Variants in TMC7 observed in about 807,000 individuals in gnomAD.
The protein encoded by TMC7 is transmembrane channel-like protein 7.
Under a neutral mutation model 82.9 loss-of-function variants are expected in TMC7, and 54 were observed. The ratio of observed to expected loss-of-function variants is 0.65; its 90% CI spans 0.52 to 0.82. TMC7 has a LOEUF of 0.82. Among genes scored for constraint, TMC7 ranks in the 40% least tolerant of loss-of-function variants. TMC7 has a pLI of 0.00. For missense variants in TMC7, 820 were observed against 901.2 expected (o/e 0.91, Z 1.15); for synonymous variants, 350 against 337.9 (o/e 1.04, Z -0.39).
chr16:19,010,078 T>C (rs1390451689), intron 2 of TMC7, among the ~76,000 whole-genome samples: 1 of 145,398 alleles, frequency 6.9e-6, no homozygotes, highest in African/African-American at 2.5e-5. Context: ...TCCTTTCCTT[T>C]CCTTTCCTTT....
Position 19,035,834 on chromosome 16 carries a change from C to A in TMC7, c.1005+11C>A, listed in dbSNP as rs371048839. The A allele has an allele frequency of 1.4e-5, 22 of 1,560,374 alleles. No individual in the cohort carries two copies. The highest frequency in any genetic ancestry group is 1.8e-5 in the Non-Finnish European group (21 of 1,154,220). On this transcript the variant is annotated intron_variant, in intron 7 of 15. Transcript: ENST00000304381. Reference sequence around the variant, plus strand: ...CGGTACGAGCTCCGAGTGAGTGCTCCTGAGTTTGTCCGTGGTGGGGTCCTC... The same window carrying A: ...CGGTACGAGCTCCGAGTGAGTGCTCATGAGTTTGTCCGTGGTGGGGTCCTC...
At chr16:19,059,777 G>A in intron 15 of TMC7, 2 of 1,100,858 alleles carry the variant, frequency 1.8e-6, no homozygotes, top group East Asian at 2.6e-5. Context: ...AGGAGTTCAA[G>A]ACCAGCCTGG....
chr16:19,020,983 A>C (rs1240929034), intron 3 of TMC7, among the ~76,000 whole-genome samples: 1 of 152,102 alleles, frequency 6.6e-6, no homozygotes, highest in Non-Finnish European at 1.5e-5. Context: ...ACTAAGGAAG[A>C]CCTAAATATA....
intron 5 of TMC7, among the ~76,000 whole-genome samples, chr16:19,025,913 G>T (rs560707903): frequency 6.6e-6 from 1 of 151,898 alleles, no homozygotes; most frequent in Non-Finnish European, 1.5e-5. Context: ...ATACCCCCAT[G>T]CCCAGCTAAT....
chr16:19,049,944 T>C (rs754288844), intron 12 of TMC7, among the ~76,000 whole-genome samples: 1 of 152,192 alleles, frequency 6.6e-6, no homozygotes, highest in Non-Finnish European at 1.5e-5. Flanking sequence ...TCAATGGAAA[T>C]ACTTATTTTT....
chr16:19,051,862 T>G (rs1422729726), intron 13 of TMC7, 46 bp downstream of exon 13: 25 of 1,605,334 alleles, frequency 1.6e-5, no homozygotes, highest in Non-Finnish European at 2.0e-5. Context: ...CTTCTTGACC[T>G]CTTCCTCTTT....
In TMC7 at chr16:19,031,210, C is replaced by T. The variant is rs928385365; in HGVS notation, c.857+841C>T. ...GCCTTGACCTCCTGGGTCACAGGTGCAGAAATCCTTAGAAAAGACTTGTTG... is the reference window on the plus strand; with the variant it reads ...GCCTTGACCTCCTGGGTCACAGGTGTAGAAATCCTTAGAAAAGACTTGTTG... On this transcript the variant is annotated intron_variant, in intron 6 of 15. Coordinates refer to ENST00000304381, the MANE Select transcript of TMC7 (RefSeq NM_024847.4). Among the ~76,000 whole-genome samples the T allele has an allele frequency of 2.0e-5, 3 of 152,144 alleles. No homozygotes were observed. In the South Asian group the frequency reaches 6.2e-4, roughly 32 times the overall value.
At position 18,984,018 on chromosome 16, in the gene TMC7, G is replaced by A. The variant is rs1456039425; in HGVS notation, c.-46G>A. 2 of 1,393,050 alleles carry A rather than the reference G, an allele frequency of 1.4e-6. No homozygotes were observed. Among genetic ancestry groups the A allele is most frequent in the Admixed American group, 6.9e-5 (2 of 29,088 alleles). The allele number at this position is 1,393,050 out of a possible 1,614,324, so 86.3% of individuals were successfully genotyped here. ...CGGGGAGGCGGCGGCGGCGGCGGCG[G>A]CTGGAGAGGGTCCTCGGCAGCCTCT... On this transcript the variant is annotated 5_prime_UTR_variant, in exon 1 of 16. Coordinates refer to ENST00000304381, the MANE Select transcript of TMC7 (RefSeq NM_024847.4).
rs1199253383 is a variant in TMC7, at chr16:18,984,120, G to C, written c.57G>C (p.Ala19=). Residue 19 remains alanine, a synonymous_variant, in exon 1 of 16, where the codon GCG becomes GCC. Coordinates refer to ENST00000304381, the MANE Select transcript of TMC7 (RefSeq NM_024847.4). ...LQPGRPSRQP[A]VHPENLSLDS... is the part of the protein sequence containing the mutation. ...CCGGCAGGCCCAGCCGGCAGCCGGC[G>C]GTCCATCCAGGTAGGGCGGCAGGGA... 6.7e-7 allele frequency: 1 copy of C among 1,502,372 alleles called. No individual in the cohort carries two copies. The highest frequency in any genetic ancestry group is 8.8e-7 in the Non-Finnish European group (1 of 1,133,588). 93.1% of individuals were successfully genotyped at this position (1,502,372 alleles called of 1,614,324 possible). A position where few individuals can be genotyped will look rare whatever the true frequency, so the allele number is the denominator to read the frequency against.
chr16:19,025,977 T>C (rs1393787194), intron 5 of TMC7, among the ~76,000 whole-genome samples: 3 of 151,950 alleles, frequency 2.0e-5, no homozygotes, highest in Admixed American at 6.6e-5. Flanking sequence ...AGTTTTGCCA[T>C]GTTGCCTAGG....
chr16:19,046,222 C>T (rs1306854108), intron 11 of TMC7, among the ~76,000 whole-genome samples: 1 of 152,162 alleles, frequency 6.6e-6, no homozygotes, highest in African/African-American at 2.4e-5. Flanking sequence ...TGGGTTCAAA[C>T]TCCCTCCCTG....
At chr16:19,050,792 C>A (rs528479210) in intron 12 of TMC7, among the ~76,000 whole-genome samples, 2 of 152,134 alleles carry the variant, frequency 1.3e-5, no homozygotes, top group Non-Finnish European at 2.9e-5. Context: ...TGAGCCACCA[C>A]GCCCGGCCTC....
chr16:18,998,483 G>C (rs182873299), intron 1 of TMC7, among the ~76,000 whole-genome samples: 2 of 152,178 alleles, frequency 1.3e-5, no homozygotes, highest in Non-Finnish European at 2.9e-5. Context: ...GGCTGGACGC[G>C]GTGGCTCACG....
Position 19,009,412 on chromosome 16 carries a change from T to C in TMC7, c.308T>C (p.Leu103Pro). The change falls in exon 2 of 16, where the codon CTA becomes CCA. Residue 103 changes from leucine (L) to proline (P), a missense_variant. Coordinates refer to ENST00000304381, the MANE Select transcript of TMC7 (RefSeq NM_024847.4). ...CTGAACATCTCTGAGAAGCGGAGAC[T>C]AAGGTTTGTTCACTAGCCACCTGGA... is the stretch of plus-strand genomic sequence containing the variant. ...YALNISEKRR[L>P]RDIQETQMKY... The C allele has an allele frequency of 6.2e-7, 1 of 1,611,680 alleles. No homozygotes were observed. Among genetic ancestry groups the C allele is most frequent in the South Asian group, 1.1e-5 (1 of 90,944 alleles).
In TMC7 at chr16:18,998,389, C is replaced by A. The variant is rs922210214; in HGVS notation, c.68-10783C>A. ...CTGTGCTCTTAACTGCCAGGCCTTGCCACCTTCTCGGACAGACAGAATTGC... is the reference window on the plus strand; with the variant it reads ...CTGTGCTCTTAACTGCCAGGCCTTGACACCTTCTCGGACAGACAGAATTGC... On this transcript the variant is annotated intron_variant, in intron 1 of 15. Transcript: ENST00000304381. Among the ~76,000 whole-genome samples the A allele has an allele frequency of 1.6e-4, 24 of 152,262 alleles. No homozygotes were observed. The South Asian group carries it at 4.8e-3, about 30-fold the overall frequency.
intron 1 of TMC7, among the ~76,000 whole-genome samples, chr16:19,004,239 C>G (rs1401597051): frequency 6.6e-6 from 1 of 152,102 alleles, no homozygotes; most frequent in Non-Finnish European, 1.5e-5. Flanking sequence ...AGTTGAGGAA[C>G]TTCCCTGGAG....
chr16:18,994,944 G>A (rs1197497150), intron 1 of TMC7, among the ~76,000 whole-genome samples: 3 of 151,590 alleles, frequency 2.0e-5, no homozygotes, highest in African/African-American at 7.3e-5. Context: ...ATGATCCGTT[G>A]CCAAGGCGGG....
chr16:19,056,568 C>T lies in TMC7; in HGVS notation c.1898C>T (p.Pro633Leu), dbSNP rs571097481. Residue 633 changes from proline (P) to leucine (L), a missense_variant, in exon 14 of 16, where the codon CCG becomes CTG. Around this residue, in one of 2 missense-constraint regions of TMC7, gnomAD observed 170 missense variants for 231.3 expected, o/e 0.74. Transcript: ENST00000304381. ...ATCCCTTCCTCGAAAGCCTGTGGGC[C>T]GTTCACCAACTTCAACACCACCTGG... is the stretch of plus-strand genomic sequence containing the variant. The part of the protein sequence containing the change: ...SRIPSSKACG[P>L]FTNFNTTWEV... The T allele has an allele frequency of 2.1e-5, 34 of 1,614,018 alleles. No individual in the cohort carries two copies. The highest frequency in any genetic ancestry group is 1.2e-4 in the South Asian group (11 of 91,074).
At position 19,063,025 on chromosome 16, in the gene TMC7, C is replaced by A. The variant is rs1962072374; in HGVS notation, c.*1182C>A. 6.6e-6 allele frequency: 1 copy of A among 152,120 alleles called. No homozygotes were observed. Among genetic ancestry groups the A allele is most frequent in the Admixed American group, 6.6e-5 (1 of 15,250 alleles). 9.4% of individuals were successfully genotyped at this position (152,120 alleles called of 1,614,324 possible). On this transcript the variant is annotated 3_prime_UTR_variant, in exon 16 of 16. Coordinates refer to ENST00000304381, the MANE Select transcript of TMC7 (RefSeq NM_024847.4). ...AGAGGAGCAAAGGTATCTTCTCGTCCCTTTCTTACAGCCATTTTCTTGCTT... is the reference window on the plus strand; with the variant it reads ...AGAGGAGCAAAGGTATCTTCTCGTCACTTTCTTACAGCCATTTTCTTGCTT...
Sources: gnomAD v4.1 joint callset for allele counts (sites outside exome capture counted in the v4.1 genomes callset) on GRCh38, gnomAD v4.1.1 for gene constraint, gnomAD v4.1.1 regional missense constraint, MANE v1.5 for transcripts, NCBI Gene and HGNC (gene_info 2026-07-23, HGNC 2026-07-21) for gene names.